The following GLIS3 variants were observed in gnomAD, a reference collection of about 807,000 sequenced individuals.
The protein encoded by GLIS3 is GLIS family zinc finger 3.
Under a neutral mutation model 78.6 loss-of-function variants are expected in GLIS3, and 53 were observed. That is an observed-to-expected ratio of 0.67 (90% CI 0.54 to 0.85). The LOEUF is 0.85. Ranked by LOEUF, GLIS3 falls within the 40% of genes least tolerant of loss-of-function variation. The pLI is 0.00. For synonymous variants in GLIS3, 684 were observed against 509.9 expected (o/e 1.34, Z -4.60); for missense variants, 1,703 against 1,231.1 (o/e 1.38, Z -5.74).
intron 4 of GLIS3, among the ~76,000 whole-genome samples, chr9:4,005,476 T>C (rs1033674320): frequency 1.3e-5 from 2 of 152,234 alleles, no homozygotes; most frequent in Admixed American, 1.3e-4. Context: ...CCCTAGGAGC[T>C]AAACTGCATG....
the GLIS3 span, among the ~76,000 whole-genome samples, chr9:4,440,138 A>G: frequency 2.7e-3 from 418 of 152,256 alleles, 3 homozygotes; most frequent in African/African-American, 9.5e-3. Context: ...CCAGTCTATA[A>G]GTTGTCTCTT....
rs767988875 is a variant in GLIS3 at position 4,286,410 on chromosome 9, A to G, written c.16T>C (p.Cys6Arg). The change falls in exon 2 of 11, where the codon TGC becomes CGC. Residue 6 changes from cysteine to arginine, a missense_variant. Cys to Arg is a radical substitution (Grantham distance 180). Coordinates refer to ENST00000381971, the MANE Select transcript of GLIS3 (RefSeq NM_001042413.2). ...GATGTCCGGTGGAGACTCATGCTGC[A>G]TGATCTTCCATTCATTCTGAAAAAC... MNGRS[C>R]SMSLHRTSGT... is the part of the protein sequence containing the mutation. 3 of 1,614,116 alleles carry G rather than the reference A, an allele frequency of 1.9e-6. No homozygotes were observed. The highest frequency in any genetic ancestry group is 2.5e-6 in the Non-Finnish European group (3 of 1,180,050).
chr9:3,846,183 A>C (rs1456244790), intron 9 of GLIS3, among the ~76,000 whole-genome samples: 4 of 152,222 alleles, frequency 2.6e-5, no homozygotes, highest in Admixed American at 6.5e-5. Flanking sequence ...CCCTATAAGG[A>C]ACCGCATATT....
At chr9:4,266,392 C>T (rs769532259) in intron 2 of GLIS3, among the ~76,000 whole-genome samples, 3 of 152,112 alleles carry the variant, frequency 2.0e-5, no homozygotes, top group Non-Finnish European at 4.4e-5. Flanking sequence ...TTTTCTGAGA[C>T]CCTATCGCTG....
intron 2 of GLIS3, among the ~76,000 whole-genome samples, chr9:4,316,951 G>T (rs192336859): frequency 8.6e-6 from 1 of 116,430 alleles, no homozygotes; most frequent in Non-Finnish European, 1.6e-5. Flanking sequence ...GGTAAAATTG[G>T]TTTTTTAATA....
chr9:4,050,247 C>T (rs1474844313), intron 4 of GLIS3, among the ~76,000 whole-genome samples: 1 of 152,168 alleles, frequency 6.6e-6, no homozygotes, highest in Non-Finnish European at 1.5e-5. Context: ...CACATATACC[C>T]CATGGAATAC....
intron 9 of GLIS3, among the ~76,000 whole-genome samples, chr9:3,829,833 C>T (rs1006863232): frequency 1.6e-4 from 24 of 152,252 alleles, no homozygotes; most frequent in Admixed American, 3.9e-4. Flanking sequence ...ACTCTCCCGT[C>T]GGCATTTAAA....
At chr9:3,986,274 A>T (rs192257679) in intron 4 of GLIS3, among the ~76,000 whole-genome samples, 1 of 152,318 alleles carries the variant, frequency 6.6e-6, no homozygotes, top group Admixed American at 6.5e-5. Context: ...TTAGGAGTCC[A>T]TCATGACCGA....
intron 4 of GLIS3, among the ~76,000 whole-genome samples, chr9:3,946,444 G>T (rs997118951): frequency 6.6e-6 from 1 of 152,152 alleles, no homozygotes; most frequent in Non-Finnish European, 1.5e-5. Flanking sequence ...GTTGGTTACT[G>T]CTCATGATGA....
chr9:4,424,070 G>C, the GLIS3 span, among the ~76,000 whole-genome samples: 5 of 152,280 alleles, frequency 3.3e-5, no homozygotes, highest in Admixed American at 1.3e-4. Context: ...GAAGCAAAGG[G>C]ATTTTGACAG....
intron 4 of GLIS3, among the ~76,000 whole-genome samples, chr9:4,115,528 T>C (rs991428932): frequency 6.6e-6 from 1 of 152,076 alleles, no homozygotes; most frequent in Non-Finnish European, 1.5e-5. Context: ...CAGGTGCATA[T>C]CTACTTTAAA....
At chr9:3,854,807 G>T (rs1002760163) in intron 9 of GLIS3, among the ~76,000 whole-genome samples, 6 of 151,952 alleles carry the variant, frequency 3.9e-5, no homozygotes, top group Non-Finnish European at 7.4e-5. Flanking sequence ...GCCTCCCAAA[G>T]TGCTGGGATT....
At chr9:4,165,880 T>A (rs1001175827) in intron 2 of GLIS3, among the ~76,000 whole-genome samples, 5 of 152,146 alleles carry the variant, frequency 3.3e-5, no homozygotes, top group Admixed American at 2.0e-4. Context: ...TCTGGGAATC[T>A]CCAATGTTTG....
chr9:4,037,223 G>A (rs1045603745), intron 4 of GLIS3, among the ~76,000 whole-genome samples: 3 of 152,134 alleles, frequency 2.0e-5, no homozygotes, highest in African/African-American at 7.2e-5. Context: ...AAGATTTCTT[G>A]AGAGAGGCAT....
intron 2 of GLIS3, among the ~76,000 whole-genome samples, chr9:4,248,826 T>C (rs1195865451): frequency 1.3e-5 from 2 of 152,204 alleles, no homozygotes; most frequent in Non-Finnish European, 2.9e-5. Context: ...GACTTGCATT[T>C]CTCTAATGAC....
At chr9:4,059,406 G>A (rs1357380660) in intron 4 of GLIS3, among the ~76,000 whole-genome samples, 7 of 152,220 alleles carry the variant, frequency 4.6e-5, no homozygotes, top group African/African-American at 1.7e-4. Context: ...AGTGACTACA[G>A]AAAACTGCCA....
the GLIS3 span, among the ~76,000 whole-genome samples, chr9:4,396,223 C>T: frequency 6.6e-6 from 1 of 151,984 alleles, no homozygotes; most frequent in Admixed American, 6.6e-5. Context: ...AGCGATTCTT[C>T]TGCCTCAGCT....
chr9:4,364,180 A>G, the GLIS3 span, among the ~76,000 whole-genome samples: 1 of 152,360 alleles, frequency 6.6e-6, no homozygotes, highest in Non-Finnish European at 1.5e-5. Flanking sequence ...TTTTCATTTG[A>G]TCTTCAGATA....
rs537024927 is a variant in GLIS3, at chr9:3,828,078, A to T, written c.*194T>A. 86 of 638,492 alleles carry T rather than the reference A, an allele frequency of 1.3e-4. No individual in the cohort carries two copies. The Middle Eastern group carries it at 1.7e-3, about 13-fold the overall frequency. 39.6% of individuals were successfully genotyped at this position (638,492 alleles called of 1,614,324 possible). A position where few individuals can be genotyped will look rare whatever the true frequency, so the allele number is the denominator to read the frequency against. ...ACATAGTCCAGGAAAACCAGAGAGAAAAAGGAGCAACTGTAATGATTCCTG... is the reference window on the plus strand; with the variant it reads ...ACATAGTCCAGGAAAACCAGAGAGATAAAGGAGCAACTGTAATGATTCCTG... On this transcript the variant is annotated 3_prime_UTR_variant, in exon 11 of 11. Transcript: ENST00000381971.
Sources: gnomAD v4.1 joint callset for allele counts (sites outside exome capture counted in the v4.1 genomes callset) on GRCh38, gnomAD v4.1.1 for gene constraint, MANE v1.5 for transcripts, NCBI Gene and HGNC (gene_info 2026-07-23, HGNC 2026-07-21) for gene names.